SFT2D1: variants seen among roughly 807,000 people sequenced by gnomAD.
The protein encoded by SFT2D1 is SFT2 domain containing 1.
A neutral mutation model predicts 28.1 loss-of-function variants in SFT2D1; 24 were observed. The observed-to-expected ratio is 0.85, with a 90% CI of 0.62 to 1.20. The LOEUF is 1.20. SFT2D1 is among the 50% of genes most tolerant of loss of function. The probability of loss-of-function intolerance (pLI) is 0.00; values close to 1 mark genes in which losing one functional copy is unlikely to be tolerated. For synonymous variants in SFT2D1, 82 were observed against 73.7 expected (o/e 1.11, Z -0.58); for missense variants, 181 against 190.9 (o/e 0.95, Z 0.31).
At chr6:166,329,012 A>G (rs1357914182) in intron 3 of SFT2D1, among the ~76,000 whole-genome samples, 1 of 152,190 alleles carries the variant, frequency 6.6e-6, no homozygotes, top group Non-Finnish European at 1.5e-5. Context: ...CTTCTTCATT[A>G]AAATGTAAGC....
Position 166,326,114 on chromosome 6 carries a change from A to C in SFT2D1, c.351+18T>G. On this transcript the variant is annotated intron_variant, in intron 5 of 7. Coordinates refer to ENST00000361731, the MANE Select transcript of SFT2D1 (RefSeq NM_145169.3). ...GGCACACAGTTAACTGAAAGCCAGT[A>C]GGGCTGACATAACTTACCCAAAGAG... 6.2e-7 allele frequency: 1 copy of C among 1,612,868 alleles called. No homozygotes were observed. Among genetic ancestry groups the C allele is most frequent in the South Asian group, 1.1e-5 (1 of 91,022 alleles).
chr6:166,324,740 A>C, intron 5 of SFT2D1, 145 bp from the exon 6 acceptor site: 2 of 757,116 alleles, frequency 2.6e-6, no homozygotes, highest in Non-Finnish European at 4.1e-6. Flanking sequence ...TTTAAGATAC[A>C]GTTGATCTGA....
At chr6:166,339,900 T>TAA (rs1778743690) in intron 1 of SFT2D1, among the ~76,000 whole-genome samples, 1 of 152,220 alleles carries the variant, frequency 6.6e-6, no homozygotes, top group South Asian at 2.1e-4. Flanking sequence ...CTCTACAGTG[T>TAA]TACGTCCAAC....
intron 1 of SFT2D1, among the ~76,000 whole-genome samples, chr6:166,336,226 G>A (rs1353271607): frequency 6.6e-6 from 1 of 151,794 alleles, no homozygotes; most frequent in Non-Finnish European, 1.5e-5. Context: ...CTGCTCGGGT[G>A]GAGAAGCCAC....
At chr6:166,331,177 ATAAGGC>A (rs1279846113) in intron 1 of SFT2D1, among the ~76,000 whole-genome samples, 4 of 152,230 alleles carry the variant, frequency 2.6e-5, no homozygotes, top group African/African-American at 9.7e-5. Flanking sequence ...TATTTTCCAA[ATAAGGC>A]TAAAAAAGTA....
Position 166,320,035 on chromosome 6 carries a change from T to C in SFT2D1, c.*182A>G, listed in dbSNP as rs916602959. ...TTAATGACACATAATGAATTTAAAGTTACAAGCATTTAATGGTTTAATCAA... is the reference window on the plus strand; with the variant it reads ...TTAATGACACATAATGAATTTAAAGCTACAAGCATTTAATGGTTTAATCAA... On this transcript the variant is annotated 3_prime_UTR_variant, in exon 8 of 8. Coordinates refer to ENST00000361731, the MANE Select transcript of SFT2D1 (RefSeq NM_145169.3). 1.1e-5 allele frequency: 6 copies of C among 567,428 alleles called. No individual in the cohort carries two copies. Among genetic ancestry groups the C allele is most frequent in the Non-Finnish European group, 1.6e-5 (5 of 320,104 alleles). 35.1% of individuals were successfully genotyped at this position (567,428 alleles called of 1,614,324 possible). A position where few individuals can be genotyped will look rare whatever the true frequency, so the allele number is the denominator to read the frequency against.
chr6:166,334,081 T>C (rs185434409), intron 1 of SFT2D1, among the ~76,000 whole-genome samples: 39 of 152,360 alleles, frequency 2.6e-4, no homozygotes, highest in Admixed American at 1.4e-3. Context: ...TCTCTGAAAA[T>C]GCATCCATCA....
intron 1 of SFT2D1, 23 bp downstream of exon 1, chr6:166,342,396 G>A (rs1396398553): frequency 4.5e-6 from 7 of 1,546,582 alleles, no homozygotes; most frequent in Admixed American, 3.9e-5. Context: ...CCCCGGGACT[G>A]GACGAGGGCG....
chr6:166,335,419 CTT>C, intron 1 of SFT2D1: 2 of 566,764 alleles, frequency 3.5e-6, no homozygotes, highest in Admixed American at 3.8e-5. Context: ...AGGGAGGAAA[CTT>C]TGGAGGCAGA....
Position 166,326,158 on chromosome 6 carries a change from T to C in SFT2D1, c.325A>G (p.Ile109Val), listed in dbSNP as rs11551053. 0.053 allele frequency: 84,982 copies of C among 1,612,488 alleles called. 5,173 individuals carry two copies. Among genetic ancestry groups the C allele is most frequent in the East Asian group, 0.36 (16,246 of 44,824 alleles). ...LATIVMLLCFIFTLCAALWWH... is the reference protein window; with the variant it reads ...LATIVMLLCFVFTLCAALWWH... ...CAAAGAGCAGCACACAGGGTAAATA[T>C]GAAACACAACTACAGGGGAAGAAAG... The change falls in exon 5 of 8, where the codon ATA (isoleucine) becomes GTA (valine). Residue 109 changes from isoleucine (I) to valine (V), a missense_variant. By Grantham distance (29) the Ile-to-Val change is conservative. Coordinates refer to ENST00000361731, the MANE Select transcript of SFT2D1 (RefSeq NM_145169.3).
intron 1 of SFT2D1, among the ~76,000 whole-genome samples, chr6:166,330,571 A>T (rs533855159): frequency 6.6e-6 from 1 of 152,344 alleles, no homozygotes; most frequent in African/African-American, 2.4e-5. Flanking sequence ...TACAAAGATT[A>T]AAAAAACACA....
At chr6:166,320,827 A>G (rs1562440692) in intron 7 of SFT2D1, among the ~76,000 whole-genome samples, 3 of 152,194 alleles carry the variant, frequency 2.0e-5, no homozygotes, top group Admixed American at 6.5e-5. Flanking sequence ...CAAAGATTTA[A>G]TTTTTAAAAA....
At chr6:166,321,856 CATTT>C (rs1186108744) in intron 7 of SFT2D1, among the ~76,000 whole-genome samples, 28 of 152,246 alleles carry the variant, frequency 1.8e-4, no homozygotes, top group African/African-American at 6.5e-4. Flanking sequence ...CAAAAATAAG[CATTT>C]ATGTGTAAGC....
chr6:166,329,359 C>T lies in SFT2D1; in HGVS notation c.233+148G>A, dbSNP rs371455658. 10 of 622,020 alleles carry T rather than the reference C, an allele frequency of 1.6e-5. No homozygotes were observed. The African/African-American group carries it at 1.8e-4, about 11-fold the overall frequency. The allele number at this position is 622,020 out of a possible 1,614,324, so 38.5% of individuals were successfully genotyped here. A position where few individuals can be genotyped will look rare whatever the true frequency, so the allele number is the denominator to read the frequency against. On this transcript the variant is annotated intron_variant, in intron 3 of 7. Transcript: ENST00000361731. ...ATGGGAGACGGCATACAGCAGCAGT[C>T]AATACATATTTATTTAATGAATGTA...
intron 1 of SFT2D1, among the ~76,000 whole-genome samples, chr6:166,333,686 G>A (rs1191060574): frequency 2.6e-5 from 4 of 152,218 alleles, no homozygotes; most frequent in African/African-American, 9.7e-5. Flanking sequence ...ACAGGGCAGG[G>A]GGGTCCTGAG....
rs578216989 is a variant in SFT2D1, at chr6:166,331,683, T to C, written c.64-1436A>G. Reference sequence around the variant, plus strand: ...AATAAACTGCAAAGACTGAATTACATAGTAAATGATCTGTTAAAAAAAATG... The same window carrying C: ...AATAAACTGCAAAGACTGAATTACACAGTAAATGATCTGTTAAAAAAAATG... On this transcript the variant is annotated intron_variant, in intron 1 of 7. Transcript: ENST00000361731. Among the ~76,000 whole-genome samples the C allele has an allele frequency of 1.3e-3, 193 of 152,344 alleles. 1 individual carries two copies. Among genetic ancestry groups the C allele is most frequent in the Non-Finnish European group, 2.2e-3 (148 of 68,028 alleles).
chr6:166,327,508 T>C (rs569139142), intron 4 of SFT2D1, among the ~76,000 whole-genome samples: 2 of 152,264 alleles, frequency 1.3e-5, no homozygotes, highest in Admixed American at 6.5e-5. Flanking sequence ...ACGGGAGCCA[T>C]ATTGTTAGAA....
At chr6:166,333,050 A>C (rs1467250609) in intron 1 of SFT2D1, among the ~76,000 whole-genome samples, 1 of 152,166 alleles carries the variant, frequency 6.6e-6, no homozygotes, top group Non-Finnish European at 1.5e-5. Flanking sequence ...CATAGGAAAC[A>C]CTTGTGGCTT....
intron 4 of SFT2D1, among the ~76,000 whole-genome samples, chr6:166,327,824 G>A (rs1778476393): frequency 6.6e-6 from 1 of 151,996 alleles, no homozygotes; most frequent in Non-Finnish European, 1.5e-5. Flanking sequence ...TTTTTAGATG[G>A]AGCTTCACTC....
Sources: gnomAD v4.1 joint callset for allele counts (sites outside exome capture counted in the v4.1 genomes callset) on GRCh38, gnomAD v4.1.1 for gene constraint, MANE v1.5 for transcripts, NCBI Gene and HGNC (gene_info 2026-07-23, HGNC 2026-07-21) for gene names.